Variants in RBM47 observed in about 807,000 individuals in gnomAD.
RBM47 encodes RNA binding motif protein 47, also known as RNA-binding protein 47.
RBM47 carries 21 observed loss-of-function variants against 47.1 expected under a neutral mutation model. The observed-to-expected ratio is 0.45, with a 90% CI of 0.32 to 0.64. RBM47 has a LOEUF of 0.64. Among genes scored for constraint, RBM47 ranks in the 30% least tolerant of loss-of-function variants. RBM47 has a pLI of 0.05. For missense variants in RBM47, 708 were observed against 870.9 expected, an observed-to-expected ratio of 0.81 and a Z score of 2.35; for synonymous variants, 375 against 361.7, an observed-to-expected ratio of 1.04 and a Z score of -0.42.
intron 2 of RBM47, among the ~76,000 whole-genome samples, chr4:40,494,923 A>G (rs970739450): frequency 6.6e-6 from 1 of 152,178 alleles, no homozygotes; most frequent in Non-Finnish European, 1.5e-5. Context: ...ATATGTATAA[A>G]TATAATCTGA....
chr4:40,470,848 T>G (rs1367616336), intron 2 of RBM47, among the ~76,000 whole-genome samples: 2 of 152,142 alleles, frequency 1.3e-5, no homozygotes, highest in Non-Finnish European at 2.9e-5. Context: ...GTTCAAGTGA[T>G]TCTCCTGCCT....
chr4:40,589,524 C>A (rs1425234374), intron 1 of RBM47, among the ~76,000 whole-genome samples: 2 of 152,068 alleles, frequency 1.3e-5, no homozygotes, highest in South Asian at 4.1e-4. Flanking sequence ...GCAACCTCCA[C>A]CTCCTGGGTT....
chr4:40,616,920 G>C (rs191187916), intron 1 of RBM47, among the ~76,000 whole-genome samples: 1,986 of 133,354 alleles, frequency 0.015, 22 homozygotes, highest in Non-Finnish European at 0.024. Flanking sequence ...CTGTCGCCCA[G>C]GCTGGAGTGC....
intron 2 of RBM47, among the ~76,000 whole-genome samples, chr4:40,492,321 C>T (rs1445503224): frequency 6.6e-6 from 1 of 152,002 alleles, no homozygotes; most frequent in African/African-American, 2.4e-5. Context: ...AGTGATTGTG[C>T]CACTGCACTC....
In RBM47 at chr4:40,436,451, T is replaced by C. The variant is rs1226328663; in HGVS notation, c.1320A>G (p.Lys440=). The change falls in exon 5 of 7, where the codon AAA becomes AAG. Residue 440 remains lysine, a synonymous_variant. Transcript: ENST00000295971. ...CTGCTTCATACTGACCTGTACCAGG[T>C]TTAATGGCAACTGGGTTGACGGTAG... ...EIPTVNPVAI[K]PGTVAIPAIG... 6.2e-7 allele frequency: 1 copy of C among 1,613,594 alleles called. No individual in the cohort carries two copies. Among genetic ancestry groups the C allele is most frequent in the South Asian group, 1.1e-5 (1 of 91,074 alleles).
intron 2 of RBM47, among the ~76,000 whole-genome samples, chr4:40,474,870 C>T (rs1282484404): frequency 6.6e-6 from 1 of 152,140 alleles, no homozygotes; most frequent in African/African-American, 2.4e-5. Flanking sequence ...AACATTGATT[C>T]ATCATAATGA....
chr4:40,485,256 A>C (rs1429264335), intron 2 of RBM47, among the ~76,000 whole-genome samples: 1 of 152,254 alleles, frequency 6.6e-6, no homozygotes, highest in African/African-American at 2.4e-5. Flanking sequence ...ATGGAGCCAT[A>C]AGTCATAAGA....
At chr4:40,569,337 A>T (rs1379639716) in intron 1 of RBM47, among the ~76,000 whole-genome samples, 1 of 151,942 alleles carries the variant, frequency 6.6e-6, no homozygotes, top group East Asian at 1.9e-4. Flanking sequence ...AAGCACCAAC[A>T]ACGGAAGCCA....
intron 1 of RBM47, among the ~76,000 whole-genome samples, chr4:40,620,664 T>A (rs1434325349): frequency 6.6e-6 from 1 of 152,212 alleles, no homozygotes; most frequent in Non-Finnish European, 1.5e-5. Flanking sequence ...CAAGTCTAAT[T>A]TAACATTTAT....
intron 2 of RBM47, among the ~76,000 whole-genome samples, chr4:40,537,043 CACAG>C (rs71757427): frequency 0.017 from 2,532 of 152,242 alleles, 76 homozygotes; most frequent in African/African-American, 0.056. Flanking sequence ...TCAAAGAGCA[CACAG>C]ACAAAGTAAC....
At chr4:40,543,281 C>T (rs1353215585) in intron 2 of RBM47, 1 of 152,130 alleles carries the variant, frequency 6.6e-6, no homozygotes, top group East Asian at 1.9e-4. Flanking sequence ...TGGGACATAG[C>T]ATGGAGTGTT....
At chr4:40,516,852 C>T (rs993865002) in intron 2 of RBM47, among the ~76,000 whole-genome samples, 1 of 151,946 alleles carries the variant, frequency 6.6e-6, no homozygotes, top group Non-Finnish European at 1.5e-5. Flanking sequence ...CCTCTCAGAT[C>T]CCTCTCCTCA....
intron 1 of RBM47, among the ~76,000 whole-genome samples, chr4:40,575,993 G>C (rs1216497396): frequency 2.0e-5 from 3 of 152,188 alleles, no homozygotes; most frequent in Non-Finnish European, 2.9e-5. Flanking sequence ...GGAGGGCATT[G>C]TTAATAGCTC....
intron 1 of RBM47, among the ~76,000 whole-genome samples, chr4:40,568,202 G>A (rs958145464): frequency 3.3e-5 from 5 of 151,772 alleles, no homozygotes; most frequent in African/African-American, 9.7e-5. Flanking sequence ...AAGGCAGGAC[G>A]ATCAATTGAG....
chr4:40,457,375 A>G (rs1233780460), intron 3 of RBM47, among the ~76,000 whole-genome samples: 1 of 149,788 alleles, frequency 6.7e-6, no homozygotes, highest in Non-Finnish European at 1.5e-5. Context: ...GTGAGCCAAG[A>G]TAGTGCCACT....
chr4:40,548,040 G>A (rs914573341), intron 1 of RBM47, among the ~76,000 whole-genome samples: 3 of 152,192 alleles, frequency 2.0e-5, no homozygotes, highest in Admixed American at 2.0e-4. Context: ...TTGCCCTCCA[G>A]GAGGGTACAG....
chr4:40,479,840 A>T (rs1314549738), intron 2 of RBM47, among the ~76,000 whole-genome samples: 1 of 151,848 alleles, frequency 6.6e-6, no homozygotes, highest in African/African-American at 2.4e-5. Flanking sequence ...CATCACATCC[A>T]CCTGTAATAA....
chr4:40,565,912 T>TA (rs1387493379), intron 1 of RBM47, among the ~76,000 whole-genome samples: 1 of 151,120 alleles, frequency 6.6e-6, no homozygotes, highest in Non-Finnish European at 1.5e-5. Context: ...CTACAAAAAA[T>TA]AAAAAACTAG....
At chr4:40,556,176 C>T (rs766413072) in intron 1 of RBM47, among the ~76,000 whole-genome samples, 1 of 151,670 alleles carries the variant, frequency 6.6e-6, no homozygotes, top group Non-Finnish European at 1.5e-5. Context: ...GCTGGGATTA[C>T]AGGCATGCAC....
Sources: gnomAD v4.1 joint callset for allele counts (sites outside exome capture counted in the v4.1 genomes callset) on GRCh38, gnomAD v4.1.1 for gene constraint, MANE v1.5 for transcripts, NCBI Gene and HGNC (gene_info 2026-07-23, HGNC 2026-07-21) for gene names.